The following LIMCH1 variants were observed in gnomAD, a reference collection of about 807,000 sequenced individuals.
LIMCH1 encodes LIM and calponin homology domains-containing protein 1.
Under a neutral mutation model 176.5 loss-of-function variants are expected in LIMCH1, and 113 were observed. That is an observed-to-expected ratio of 0.64 (90% CI 0.55 to 0.75). The LOEUF (loss-of-function observed/expected upper bound fraction) is 0.75, where lower values mean the gene tolerates loss of function less well. Among genes scored for constraint, LIMCH1 ranks in the 30% least tolerant of loss-of-function variants. The pLI, the probability that LIMCH1 is intolerant of heterozygous loss-of-function variation, is 0.00. For synonymous variants in LIMCH1, 619 were observed against 645.9 expected, an observed-to-expected ratio of 0.96 and a Z score of 0.63; for missense variants, 1,674 against 1,814.9, an observed-to-expected ratio of 0.92 and a Z score of 1.41.
At chr4:41,568,803 GT>G (rs911701457) in intron 1 of LIMCH1, among the ~76,000 whole-genome samples, 1 of 152,112 alleles carries the variant, frequency 6.6e-6, no homozygotes, top group Non-Finnish European at 1.5e-5. Context: ...ACATTTAAAA[GT>G]TTTCTCTCAA....
At chr4:41,364,724 C>T (rs2052707851) in intron 1 of LIMCH1, among the ~76,000 whole-genome samples, 1 of 152,120 alleles carries the variant, frequency 6.6e-6, no homozygotes, top group South Asian at 2.1e-4. Context: ...CAATGCCTCT[C>T]CTCTTGTTCT....
At chr4:41,373,759 T>C (rs2219000) in intron 1 of LIMCH1, among the ~76,000 whole-genome samples, 2,825 of 152,268 alleles carry the variant, frequency 0.019, 87 homozygotes, top group East Asian at 0.12. Flanking sequence ...GGGTGTGATA[T>C]GGTTTGGATT....
chr4:41,613,042 C>G (rs376944923), intron 4 of LIMCH1: 10 of 1,551,972 alleles, frequency 6.4e-6, no homozygotes, highest in Non-Finnish European at 8.7e-6. Context: ...CACAGCTAAA[C>G]CAGGGGCTCA....
At chr4:41,671,519 C>A (rs1033645660) in intron 21 of LIMCH1, 35 bp from the exon 22 acceptor site, 1 of 1,573,436 alleles carries the variant, frequency 6.4e-7, no homozygotes, top group South Asian at 1.1e-5. Flanking sequence ...TACTCACATT[C>A]ATATCTTTTT....
At chr4:41,599,174 C>G (rs565365166) in intron 2 of LIMCH1, 148 bp downstream of exon 2, 1 of 570,286 alleles carries the variant, frequency 1.8e-6, no homozygotes, top group Non-Finnish European at 3.2e-6. Context: ...TTCAAAACAA[C>G]TCACATTGAC....
intron 1 of LIMCH1, among the ~76,000 whole-genome samples, chr4:41,396,657 T>C (rs2057830054): frequency 6.6e-6 from 1 of 152,124 alleles, no homozygotes; most frequent in Non-Finnish European, 1.5e-5. Flanking sequence ...TCCCAGCGCT[T>C]TGGGAGGCCG....
chr4:41,385,072 T>C (rs993801795), intron 1 of LIMCH1, among the ~76,000 whole-genome samples: 2 of 152,254 alleles, frequency 1.3e-5, no homozygotes, highest in African/African-American at 4.8e-5. Context: ...ATTTAACTTC[T>C]CTTTGTCCTC....
At chr4:41,527,298 G>A (rs954729003) in intron 3 of LIMCH1, among the ~76,000 whole-genome samples, 12 of 152,180 alleles carry the variant, frequency 7.9e-5, no homozygotes, top group Admixed American at 2.6e-4. Flanking sequence ...ATGGTTAACA[G>A]TTTGAAATTA....
chr4:41,586,492 C>T (rs2086498835), intron 1 of LIMCH1, among the ~76,000 whole-genome samples: 1 of 152,130 alleles, frequency 6.6e-6, no homozygotes, highest in Non-Finnish European at 1.5e-5. Context: ...CAGTTTATCA[C>T]TGCTCTCAGT....
At chr4:41,570,431 C>T (rs997681047) in intron 1 of LIMCH1, among the ~76,000 whole-genome samples, 2 of 152,170 alleles carry the variant, frequency 1.3e-5, no homozygotes, top group Non-Finnish European at 2.9e-5. Flanking sequence ...TGCTTTTGTT[C>T]TATCAGCCCT....
chr4:41,394,761 A>T (rs1266956579), intron 1 of LIMCH1, among the ~76,000 whole-genome samples: 1 of 152,208 alleles, frequency 6.6e-6, no homozygotes, highest in Non-Finnish European at 1.5e-5. Context: ...TAGATTATTC[A>T]TAGAGCATCT....
intron 1 of LIMCH1, among the ~76,000 whole-genome samples, chr4:41,374,003 T>A (rs1017105319): frequency 6.6e-6 from 1 of 152,200 alleles, no homozygotes; most frequent in Non-Finnish European, 1.5e-5. Flanking sequence ...TGATTGTAAG[T>A]TTCCTGAGTC....
Position 41,589,623 on chromosome 4 carries a change from C to T in LIMCH1, c.-240-9297C>T, listed in dbSNP as rs535318257. Among the ~76,000 whole-genome samples the T allele has an allele frequency of 8.3e-4, 127 of 152,240 alleles. 2 individuals are homozygous for T. The highest frequency in any genetic ancestry group is 3.1e-3 in the Admixed American group (48 of 15,290). The stretch of plus-strand genomic sequence containing the variant: ...CCTGTTGCTGGCTTCCCAGGTTCTC[C>T]TCCTGCTTATGTTTGCTTTTCTTCA... On this transcript the variant is annotated intron_variant, in intron 1 of 31. Coordinates refer to ENST00000503057, the MANE Select transcript of LIMCH1 (RefSeq NM_001330672.2).
chr4:41,684,505 A>G lies in LIMCH1; in HGVS notation c.3954A>G (p.Pro1318=). Residue 1318 remains proline (P), a synonymous_variant, in exon 27 of 32, where the codon CCA becomes CCG. Transcript: ENST00000503057. ...EAGAPHCGTN[P]QLAQDPSQNQ... ...GGGCCCCACACTGTGGAACAAACCC[A>G]CAGCTTGCTCAGGGTAAGAATGGAG... 1.2e-6 allele frequency: 2 copies of G among 1,613,608 alleles called. No homozygotes were observed. Among genetic ancestry groups the G allele is most frequent in the Non-Finnish European group, 1.7e-6 (2 of 1,179,726 alleles).
At chr4:41,466,183 T>G (rs1275404888) in intron 1 of LIMCH1, among the ~76,000 whole-genome samples, 1 of 152,190 alleles carries the variant, frequency 6.6e-6, no homozygotes, top group African/African-American at 2.4e-5. Context: ...GGTCTGGATC[T>G]CCTGACCTTG....
intron 31 of LIMCH1, among the ~76,000 whole-genome samples, chr4:41,695,979 G>A (rs1238230891): frequency 6.6e-6 from 1 of 152,144 alleles, no homozygotes; most frequent in Admixed American, 6.6e-5. Flanking sequence ...ATTGAGAAGA[G>A]TGGAGATGGA....
intron 1 of LIMCH1, among the ~76,000 whole-genome samples, chr4:41,574,733 C>T (rs2084167914): frequency 2.0e-5 from 3 of 152,110 alleles, no homozygotes; most frequent in South Asian, 2.1e-4. Flanking sequence ...TATTCTATTA[C>T]GCTGTTTGCT....
chr4:41,467,002 C>T (rs891738953), intron 1 of LIMCH1, among the ~76,000 whole-genome samples: 7 of 152,076 alleles, frequency 4.6e-5, no homozygotes, highest in Admixed American at 2.0e-4. Context: ...CTAGGTACCT[C>T]GCATAGGTGG....
At chr4:41,457,455 AT>A (rs910391315) in intron 1 of LIMCH1, among the ~76,000 whole-genome samples, 38 of 152,166 alleles carry the variant, frequency 2.5e-4, no homozygotes, top group African/African-American at 8.9e-4. Flanking sequence ...TTTTTTGAGC[AT>A]TTTTTCTGTC....
Sources: gnomAD v4.1 joint callset for allele counts (sites outside exome capture counted in the v4.1 genomes callset) on GRCh38, gnomAD v4.1.1 for gene constraint, MANE v1.5 for transcripts, NCBI Gene and HGNC (gene_info 2026-07-23, HGNC 2026-07-21) for gene names.